The following MAGEC3 variants were observed in gnomAD, a reference collection of about 807,000 sequenced individuals.
MAGEC3 encodes the protein melanoma-associated antigen C3.
A neutral mutation model predicts 35.3 loss-of-function variants in MAGEC3; 34 were observed. The observed-to-expected ratio is 0.96, with a 90% confidence interval of 0.73 to 1.28. The LOEUF is 1.28. Among genes scored for constraint, MAGEC3 ranks in the 50% most tolerant of loss-of-function variants. The probability of loss-of-function intolerance (pLI) is 0.00; values close to 1 mark genes in which losing one functional copy is unlikely to be tolerated. For missense variants in MAGEC3, 561 were observed against 483.6 expected (o/e 1.16, Z -1.50); for synonymous variants, 202 against 185.6 (o/e 1.09, Z -0.72).
At position 141,869,610 on chromosome X, in the gene MAGEC3, G is replaced by T. The variant is rs190628987; in HGVS notation, c.258+4005G>T. Reference sequence around the variant, plus strand: ...TGTTCATGAGTTCTGTACATTTTTTGTTGTTGTTGTTGTGAGAAACCTCCA... The same window carrying T: ...TGTTCATGAGTTCTGTACATTTTTTTTTGTTGTTGTTGTGAGAAACCTCCA... On this transcript the variant is annotated intron_variant, in intron 2 of 7. Coordinates refer to ENST00000298296, the MANE Select transcript of MAGEC3 (RefSeq NM_138702.1). 3.2e-3 allele frequency among the ~76,000 whole-genome samples: 355 copies of T among 111,020 alleles called. 11 individuals are homozygous for T. In the East Asian group the frequency reaches 0.079, roughly 25 times the overall value.
chrX:141,897,655 C>T lies in MAGEC3; in HGVS notation c.1755C>T (p.Val585=), dbSNP rs775063731. The T allele has an allele frequency of 1.7e-6, 2 of 1,210,553 alleles. No homozygotes were observed. The highest frequency in any genetic ancestry group is 2.2e-6 in the Non-Finnish European group (2 of 895,062). ...CCATTCAGAGGCCAGCAAGAGAAGT[C>T]TTAGAGTTTTTATCCAAGCTATCCA... ...IGPIQRPARE[V]LEFLSKLSSI... is the part of the protein sequence containing the mutation. The change falls in exon 8 of 8, where the codon GTC becomes GTT. Residue 585 remains valine, a synonymous_variant. Coordinates refer to ENST00000298296, the MANE Select transcript of MAGEC3 (RefSeq NM_138702.1).
chrX:141,883,767 A>G (rs2017982795), intron 4 of MAGEC3, among the ~76,000 whole-genome samples: 1 of 113,205 alleles, frequency 8.8e-6, no homozygotes, highest in South Asian at 3.6e-4. Flanking sequence ...TTTGTAAATA[A>G]ATTACAAGGA....
intron 1 of MAGEC3, among the ~76,000 whole-genome samples, chrX:141,840,922 C>A (rs1178476169): frequency 3.6e-5 from 4 of 110,840 alleles, no homozygotes; most frequent in African/African-American, 1.3e-4. Context: ...TTTTCAACAT[C>A]TGCCTTTCTA....
At chrX:141,889,949 G>A (rs139138611) in intron 4 of MAGEC3, among the ~76,000 whole-genome samples, 202 of 112,540 alleles carry the variant, frequency 1.8e-3, no homozygotes, top group African/African-American at 6.3e-3. Context: ...ATGTTTGTGC[G>A]TGTACACACT....
chrX:141,842,082 T>A (rs192206230), intron 1 of MAGEC3, among the ~76,000 whole-genome samples: 19 of 111,898 alleles, frequency 1.7e-4, no homozygotes, highest in African/African-American at 5.8e-4. Flanking sequence ...AACTGTAGTG[T>A]TTTGGTACTT....
At chrX:141,845,267 T>G (rs1198387281) in intron 1 of MAGEC3, among the ~76,000 whole-genome samples, 1 of 111,107 alleles carries the variant, frequency 9.0e-6, no homozygotes, top group Non-Finnish European at 1.9e-5. Context: ...GTGCAAAACT[T>G]GCATACAGAT....
At position 141,858,790 on chromosome X, in the gene MAGEC3, G is replaced by A. The variant is rs748487613; in HGVS notation, c.124-6681G>A. Among the ~76,000 whole-genome samples, 5 of 110,614 alleles carry A rather than the reference G, an allele frequency of 4.5e-5. No individual in the cohort carries two copies. The South Asian group carries it at 1.9e-3, about 42-fold the overall frequency. ...CTATATATATAGTGTGTGTATGTTTGTGTGTGTGTATGTATATATATAACA... is the reference window on the plus strand; with the variant it reads ...CTATATATATAGTGTGTGTATGTTTATGTGTGTGTATGTATATATATAACA... On this transcript the variant is annotated intron_variant, in intron 1 of 7. Transcript: ENST00000298296.
At chrX:141,866,319 A>T (rs5907190) in intron 2 of MAGEC3, among the ~76,000 whole-genome samples, 3 of 112,153 alleles carry the variant, frequency 2.7e-5, no homozygotes, top group Non-Finnish European at 5.6e-5. Flanking sequence ...TGTTAAAAAA[A>T]TTTTTATATT....
At chrX:141,880,590 T>C (rs754877245) in intron 3 of MAGEC3, 1 of 344,818 alleles carries the variant, frequency 2.9e-6, no homozygotes, top group East Asian at 8.9e-5. Context: ...GCCCAGGCAA[T>C]ATCAGGAGTC....
Position 141,881,606 on chromosome X carries a change from C to A in MAGEC3, c.719C>A (p.Ser240Tyr), listed in dbSNP as rs758989764. Residue 240 changes from serine (S) to tyrosine (Y), a missense_variant, in exon 4 of 8, where the codon TCC (serine) becomes TAC (tyrosine). Transcript: ENST00000298296. ...TTCATAGAGATTCTTTTTGGCATTT[C>A]CCTGACAGAAGTGGACCCCGACCAT... ...REFIEILFGI[S>Y]LTEVDPDHFY... 3 of 1,211,054 alleles carry A rather than the reference C, an allele frequency of 2.5e-6. No homozygotes were observed. The African/African-American group carries it at 5.2e-5, about 21-fold the overall frequency.
At chrX:141,866,404 A>C (rs2017849352) in intron 2 of MAGEC3, among the ~76,000 whole-genome samples, 1 of 112,340 alleles carries the variant, frequency 8.9e-6, no homozygotes, top group Admixed American at 9.4e-5. Flanking sequence ...GCACTGATTA[A>C]AATACCACTT....
At position 141,896,992 on chromosome X, in the gene MAGEC3, C is replaced by T. The variant is rs148610661; in HGVS notation, c.1234C>T (p.Pro412Ser). Residue 412 changes from proline (P) to serine (S), a missense_variant, in exon 7 of 8, where the codon CCC (proline) becomes TCC (serine). By Grantham distance (74) the Pro-to-Ser change is moderately conservative. Coordinates refer to ENST00000298296, the MANE Select transcript of MAGEC3 (RefSeq NM_138702.1). ...TCCCCAGGGTCCTCCGCAGAGTCCT[C>T]CCCAGAGTCCTCTAGACTCCTGCTC... is the stretch of plus-strand genomic sequence containing the variant. ...ISPQGPPQSP[P>S]QSPLDSCSSP... 52 of 1,205,517 alleles carry T rather than the reference C, an allele frequency of 4.3e-5. No homozygotes were observed. The African/African-American group carries it at 8.4e-4, about 20-fold the overall frequency.
Position 141,854,504 on chromosome X carries a change from C to G in MAGEC3, c.124-10967C>G, listed in dbSNP as rs1322801706. Among the ~76,000 whole-genome samples, 4 of 110,719 alleles carry G rather than the reference C, an allele frequency of 3.6e-5. No individual in the cohort carries two copies. In the South Asian group the frequency reaches 1.2e-3, roughly 32 times the overall value. ...ATAATTGAATTGTGGGGGTGGTACC[C>G]CCATACTGTTCTCATGGTAATGAAT... is the stretch of plus-strand genomic sequence containing the variant. On this transcript the variant is annotated intron_variant, in intron 1 of 7. Coordinates refer to ENST00000298296, the MANE Select transcript of MAGEC3 (RefSeq NM_138702.1).
intron 1 of MAGEC3, among the ~76,000 whole-genome samples, chrX:141,849,612 T>A (rs2017738291): frequency 9.0e-6 from 1 of 111,194 alleles, no homozygotes; most frequent in Admixed American, 9.6e-5. Context: ...AAAGGAGACA[T>A]GAAAGTAGCC....
Position 141,869,607 on chromosome X carries a change from TTTG to T in MAGEC3, c.258+4016_258+4018del, listed in dbSNP as rs200882248. Among the ~76,000 whole-genome samples, 380 of 112,412 alleles carry T rather than the reference TTTG, an allele frequency of 3.4e-3. 4 individuals carry two copies. The highest frequency in any genetic ancestry group is 0.011 in the African/African-American group (333 of 31,008). On this transcript the variant is annotated intron_variant, in intron 2 of 7. Transcript: ENST00000298296. ...AGCTGTTCATGAGTTCTGTACATTT[TTTG>T]TTGTTGTTGTTGTGAGAAACCTCCA...
chrX:141,893,268 A>AG (rs1480342464), intron 4 of MAGEC3, among the ~76,000 whole-genome samples: 1 of 111,968 alleles, frequency 8.9e-6, no homozygotes. Context: ...GAATCATAAA[A>AG]GCATAAGGCT....
At chrX:141,854,914 T>C in intron 1 of MAGEC3, among the ~76,000 whole-genome samples, 1 of 111,832 alleles carries the variant, frequency 8.9e-6, no homozygotes, top group Middle Eastern at 4.7e-3. Context: ...TTAATAACTT[T>C]AAAAATATGT....
intron 1 of MAGEC3, among the ~76,000 whole-genome samples, chrX:141,853,177 AAAG>A (rs1227029306): frequency 9.0e-6 from 1 of 111,507 alleles, no homozygotes; most frequent in Non-Finnish European, 1.9e-5. Context: ...CGCCTTTTAA[AAAG>A]AGGGAAACAA....
intron 4 of MAGEC3, among the ~76,000 whole-genome samples, chrX:141,892,338 A>AGAC (rs2018048680): frequency 8.9e-6 from 1 of 111,997 alleles, no homozygotes; most frequent in African/African-American, 3.2e-5. Context: ...TGAATTGAAC[A>AGAC]AATCTTCTGA....
Sources: allele counts gnomAD v4.1 joint callset (sites outside exome capture counted in the v4.1 genomes callset), GRCh38; gene constraint gnomAD v4.1.1; transcripts MANE v1.5; gene names NCBI Gene and HGNC (gene_info 2026-07-23, HGNC 2026-07-21).